Variants in FANCC observed in about 807,000 individuals in gnomAD.
The protein encoded by FANCC is Fanconi anemia group C protein.
Under a neutral mutation model 71.3 loss-of-function variants are expected in FANCC, and 55 were observed. That is an observed-to-expected ratio of 0.77 (90% CI 0.62 to 0.97). The LOEUF is 0.97. Ranked by LOEUF, FANCC falls within the 50% of genes least tolerant of loss-of-function variation. The probability of loss-of-function intolerance (pLI) is 0.00; values close to 1 mark genes in which losing one functional copy is unlikely to be tolerated. For synonymous variants in FANCC, 275 were observed against 244.9 expected, an observed-to-expected ratio of 1.12 and a Z score of -1.15; for missense variants, 678 against 670.9, an observed-to-expected ratio of 1.01 and a Z score of -0.12.
At chr9:95,196,772 T>C (rs1177833461) in intron 4 of FANCC, among the ~76,000 whole-genome samples, 1 of 152,086 alleles carries the variant, frequency 6.6e-6, no homozygotes, top group African/African-American at 2.4e-5. Flanking sequence ...GATCCCAACC[T>C]CAAGTAAAAG....
chr9:95,263,658 T>C (rs113398796), intron 1 of FANCC, among the ~76,000 whole-genome samples: 14 of 152,232 alleles, frequency 9.2e-5, no homozygotes, highest in African/African-American at 3.4e-4. Context: ...TCATCTATCA[T>C]GTAACCTCTT....
intron 4 of FANCC, among the ~76,000 whole-genome samples, chr9:95,177,306 T>G (rs963342674): frequency 6.6e-6 from 1 of 152,056 alleles, no homozygotes. Context: ...GGTATAACAC[T>G]GAAAAAATGG....
rs1834236459 is a variant in FANCC, at chr9:95,294,196, C to T, written c.-79+23330G>A. ...TCTTTTGTCTAACACAAATCCTGGA[C>T]CTGACACCCAGCTCCCATCTGGCCC... On this transcript the variant is annotated intron_variant, in intron 1 of 14. Coordinates refer to ENST00000289081, the MANE Select transcript of FANCC (RefSeq NM_000136.3). 6.3e-6 allele frequency: 10 copies of T among 1,598,714 alleles called. No individual in the cohort carries two copies. In the South Asian group the frequency reaches 9.9e-5, roughly 16 times the overall value.
chr9:95,170,512 T>C (rs1825594693), intron 6 of FANCC, among the ~76,000 whole-genome samples: 1 of 152,118 alleles, frequency 6.6e-6, no homozygotes, highest in Non-Finnish European at 1.5e-5. Flanking sequence ...TGAAGAAACA[T>C]TTGTAATGTG....
In FANCC at chr9:95,244,644, A is replaced by T. The variant is rs139390282; in HGVS notation, c.250+2788T>A. Among the ~76,000 whole-genome samples the T allele has an allele frequency of 3.8e-3, 503 of 131,676 alleles. 27 individuals are homozygous for T. The East Asian group carries it at 0.1, about 27-fold the overall frequency. The allele number at this position is 131,676 out of a possible 152,430, so 86.4% of individuals were successfully genotyped here. ...CAGTGAGCCGAGATCACGCCACTGC[A>T]CTCCAGCCTAGGCAACAGAGCAAGA... On this transcript the variant is annotated intron_variant, in intron 3 of 14. Transcript: ENST00000289081.
At chr9:95,133,040 G>A (rs556086299) in intron 8 of FANCC, among the ~76,000 whole-genome samples, 5 of 152,320 alleles carry the variant, frequency 3.3e-5, no homozygotes, top group South Asian at 2.1e-4. Flanking sequence ...CAGCAGTCTC[G>A]TGCTATCTGA....
At chr9:95,231,185 A>T (rs1829987669) in intron 4 of FANCC, among the ~76,000 whole-genome samples, 1 of 152,260 alleles carries the variant, frequency 6.6e-6, no homozygotes, top group African/African-American at 2.4e-5. Context: ...ATTTTAGACC[A>T]TGAGTTTATC....
chr9:95,270,831 T>C (rs558065197), intron 1 of FANCC, among the ~76,000 whole-genome samples: 2 of 152,332 alleles, frequency 1.3e-5, no homozygotes, highest in African/African-American at 4.8e-5. Flanking sequence ...GCCACAATGT[T>C]AGAATACACT....
intron 1 of FANCC, among the ~76,000 whole-genome samples, chr9:95,286,694 G>C (rs1159314483): frequency 6.6e-6 from 1 of 152,108 alleles, no homozygotes; most frequent in Admixed American, 6.5e-5. Flanking sequence ...AACCAGAAGA[G>C]TCTCGAGGGC....
intron 13 of FANCC, among the ~76,000 whole-genome samples, chr9:95,108,524 T>C (rs2071640199): frequency 6.6e-6 from 1 of 152,262 alleles, no homozygotes; most frequent in Admixed American, 6.5e-5. Flanking sequence ...TGGCCCAGAC[T>C]GTCTTTCCCT....
intron 4 of FANCC, among the ~76,000 whole-genome samples, chr9:95,237,945 T>C (rs183390879): frequency 1.3e-5 from 2 of 152,354 alleles, no homozygotes; most frequent in East Asian, 1.9e-4. Flanking sequence ...TTTTAACTAT[T>C]TCTTTTTATG....
intron 7 of FANCC, among the ~76,000 whole-genome samples, chr9:95,147,299 C>A (rs1361617784): frequency 1.3e-5 from 2 of 152,116 alleles, no homozygotes; most frequent in African/African-American, 4.8e-5. Flanking sequence ...GGGTGGATCA[C>A]CTGAGGTCGG....
In FANCC at chr9:95,146,127, T is replaced by C. The variant is rs1158540579; in HGVS notation, c.686+3796A>G. Among the ~76,000 whole-genome samples, 4 of 152,186 alleles carry C rather than the reference T, an allele frequency of 2.6e-5. 1 individual carries two copies. Among genetic ancestry groups the C allele is most frequent in the Non-Finnish European group, 5.9e-5 (4 of 68,024 alleles). ...GTATTGTAGTTTTGTTTTTTTAAAATGCATTGTATAGCAAGGAAGGGTCTA... is the reference window on the plus strand; with the variant it reads ...GTATTGTAGTTTTGTTTTTTTAAAACGCATTGTATAGCAAGGAAGGGTCTA... On this transcript the variant is annotated intron_variant, in intron 7 of 14. Coordinates refer to ENST00000289081, the MANE Select transcript of FANCC (RefSeq NM_000136.3).
At chr9:95,294,953 T>G (rs938685562) in intron 1 of FANCC, 1 of 662,772 alleles carries the variant, frequency 1.5e-6, no homozygotes, top group African/African-American at 1.8e-5. Flanking sequence ...TTGCCTTTTG[T>G]ACTTGTAAAC....
intron 4 of FANCC, 104 bp downstream of exon 4, chr9:95,240,545 A>C (rs1830574595): frequency 6.7e-6 from 5 of 749,502 alleles, no homozygotes; most frequent in Non-Finnish European, 1.2e-5. Context: ...AGTTTCTAAA[A>C]CATCATAGAA....
chr9:95,296,388 T>C (rs568748539), intron 1 of FANCC, among the ~76,000 whole-genome samples: 2 of 152,098 alleles, frequency 1.3e-5, no homozygotes, highest in South Asian at 4.1e-4. Context: ...AAGAAATAGG[T>C]GGAAAAACTC....
intron 1 of FANCC, among the ~76,000 whole-genome samples, chr9:95,257,625 A>T (rs1355132444): frequency 6.6e-6 from 1 of 152,214 alleles, no homozygotes; most frequent in African/African-American, 2.4e-5. Flanking sequence ...AAAGAACTAG[A>T]GAAGCAAGAG....
At chr9:95,130,732 CTTG>C (rs1826770344) in intron 8 of FANCC, among the ~76,000 whole-genome samples, 2 of 152,194 alleles carry the variant, frequency 1.3e-5, no homozygotes, top group Admixed American at 1.3e-4. Flanking sequence ...GTGGGAAGCC[CTTG>C]TTGTTAATAT....
chr9:95,152,187 T>C (rs1444262805), intron 6 of FANCC, among the ~76,000 whole-genome samples: 1 of 152,240 alleles, frequency 6.6e-6, no homozygotes, highest in Middle Eastern at 3.2e-3. Context: ...TATTTGTTCA[T>C]TTAATACCTA....
Sources: gnomAD v4.1 joint callset for allele counts (sites outside exome capture counted in the v4.1 genomes callset) on GRCh38, gnomAD v4.1.1 for gene constraint, MANE v1.5 for transcripts, NCBI Gene and HGNC (gene_info 2026-07-23, HGNC 2026-07-21) for gene names.